Variants in RYR2 observed in about 807,000 individuals in gnomAD.
RYR2 encodes ryanodine receptor 2.
RYR2 carries 227 observed loss-of-function variants against 601.1 expected under a neutral mutation model. The observed-to-expected ratio is 0.38, with a 90% CI of 0.34 to 0.42. The LOEUF is 0.42. Ranked by LOEUF, RYR2 falls within the 10% of genes least tolerant of loss-of-function variation. The probability of loss-of-function intolerance (pLI) is 1.00; values close to 1 mark genes in which losing one functional copy is unlikely to be tolerated. For missense variants in RYR2, 4,646 were observed against 6,156.5 expected (o/e 0.75, Z 8.21); for synonymous variants, 2,223 against 2,175.1 (o/e 1.02, Z -0.61).
chr1:237,291,793 G>T (rs779092305), intron 2 of RYR2, among the ~76,000 whole-genome samples: 8 of 152,148 alleles, frequency 5.3e-5, no homozygotes, highest in Non-Finnish European at 1.0e-4. Context: ...TGAGCACAGG[G>T]TATATTTAGT....
intron 79 of RYR2, among the ~76,000 whole-genome samples, chr1:237,735,994 T>A (rs1306032920): frequency 6.6e-6 from 1 of 152,188 alleles, no homozygotes; most frequent in African/African-American, 2.4e-5. Context: ...CATAAAAATA[T>A]ATGCCATGAA....
At chr1:237,208,376 T>A (rs1193654480) in intron 1 of RYR2, among the ~76,000 whole-genome samples, 3 of 152,196 alleles carry the variant, frequency 2.0e-5, no homozygotes, top group African/African-American at 7.2e-5. Context: ...TTTCCTCTGC[T>A]GAAGCATTCT....
chr1:237,221,072 G>A (rs1683754422), intron 1 of RYR2, among the ~76,000 whole-genome samples: 3 of 152,092 alleles, frequency 2.0e-5, no homozygotes, highest in Admixed American at 2.0e-4. Flanking sequence ...CTCCAGCCTG[G>A]GTGACAGAGT....
At chr1:237,796,129 C>T (rs978358943) in intron 96 of RYR2, among the ~76,000 whole-genome samples, 8 of 151,674 alleles carry the variant, frequency 5.3e-5, no homozygotes, top group African/African-American at 1.7e-4. Flanking sequence ...CATCTTGAGT[C>T]GCACTGCGCT....
At chr1:237,139,507 C>G (rs1391166968) in intron 1 of RYR2, among the ~76,000 whole-genome samples, 1 of 152,140 alleles carries the variant, frequency 6.6e-6, no homozygotes, top group African/African-American at 2.4e-5. Flanking sequence ...AATTATATCT[C>G]AAGCCATTAT....
intron 38 of RYR2, among the ~76,000 whole-genome samples, chr1:237,619,724 A>G (rs576950565): frequency 4.6e-5 from 7 of 152,272 alleles, no homozygotes; most frequent in African/African-American, 1.4e-4. Context: ...AAATGACACT[A>G]CCTACAGGGG....
At chr1:237,142,640 G>A (rs532482067) in intron 1 of RYR2, among the ~76,000 whole-genome samples, 1 of 152,314 alleles carries the variant, frequency 6.6e-6, no homozygotes, top group African/African-American at 2.4e-5. Flanking sequence ...GGAAGAGCAT[G>A]CTGCTCTCTT....
intron 3 of RYR2, among the ~76,000 whole-genome samples, chr1:237,334,832 G>A (rs760755493): frequency 6.6e-6 from 1 of 152,138 alleles, no homozygotes; most frequent in African/African-American, 2.4e-5. Context: ...GGATGATATA[G>A]CATAGGGTTA....
intron 1 of RYR2, among the ~76,000 whole-genome samples, chr1:237,152,365 AC>A: frequency 6.6e-6 from 1 of 152,322 alleles, no homozygotes; most frequent in Non-Finnish European, 1.5e-5. Context: ...TTTGGTATAT[AC>A]CCAGTAATGG....
At chr1:237,566,477 A>T in intron 27 of RYR2, 90 bp from the exon 28 acceptor site, 1 of 1,298,852 alleles carries the variant, frequency 7.7e-7, no homozygotes, top group Non-Finnish European at 1.1e-6. Context: ...TAAAGTCGTG[A>T]TTTATCTTTC....
At chr1:237,152,018 C>T (rs1431961278) in intron 1 of RYR2, among the ~76,000 whole-genome samples, 1 of 151,998 alleles carries the variant, frequency 6.6e-6, no homozygotes, top group Admixed American at 6.6e-5. Context: ...TAGCCCCCAC[C>T]GACAGGCCCC....
intron 73 of RYR2, among the ~76,000 whole-genome samples, chr1:237,719,853 C>T (rs1041264071): frequency 6.6e-5 from 10 of 151,966 alleles, no homozygotes; most frequent in African/African-American, 1.9e-4. Flanking sequence ...CACCAGGTCC[C>T]GTCTCCAACA....
At chr1:237,068,210 A>G (rs1663891767) in intron 1 of RYR2, among the ~76,000 whole-genome samples, 1 of 152,134 alleles carries the variant, frequency 6.6e-6, no homozygotes, top group Non-Finnish European at 1.5e-5. Flanking sequence ...AAGTATATAC[A>G]GTATGGTGAT....
chr1:237,634,594 G>T (rs1018723622), intron 43 of RYR2, among the ~76,000 whole-genome samples: 2 of 152,182 alleles, frequency 1.3e-5, no homozygotes, highest in Non-Finnish European at 2.9e-5. Flanking sequence ...CGCTGCCAGA[G>T]TAGATTTTGA....
chr1:237,253,121 G>A (rs1158938781), intron 1 of RYR2, among the ~76,000 whole-genome samples: 1 of 145,488 alleles, frequency 6.9e-6, no homozygotes, highest in African/African-American at 2.6e-5. Context: ...CTGAGATCGT[G>A]CCACTGCACT....
chr1:237,237,945 C>CCCTCTCCTTT, intron 1 of RYR2, among the ~76,000 whole-genome samples: 1 of 35,500 alleles, frequency 2.8e-5, no homozygotes, highest in African/African-American at 6.5e-5. Context: ...CTTTCCTTTC[C>CCCTCTCCTTT]CCTTTCCTTT....
chr1:237,657,355 T>A (rs1683352081), intron 53 of RYR2, among the ~76,000 whole-genome samples: 1 of 152,024 alleles, frequency 6.6e-6, no homozygotes, highest in Admixed American at 6.5e-5. Flanking sequence ...GTATATATAT[T>A]TAATTTTCCA....
chr1:237,698,067 C>T (rs1326652708), intron 63 of RYR2, among the ~76,000 whole-genome samples: 1 of 150,706 alleles, frequency 6.6e-6, no homozygotes, highest in Non-Finnish European at 1.5e-5. Context: ...AACTTACATT[C>T]AGATAATAGT....
intron 1 of RYR2, among the ~76,000 whole-genome samples, chr1:237,258,579 C>T (rs1688222021): frequency 6.6e-6 from 1 of 152,178 alleles, no homozygotes; most frequent in Admixed American, 6.5e-5. Context: ...TCTATATATT[C>T]TTTTATGTAC....
Sources: gnomAD v4.1 joint callset for allele counts (sites outside exome capture counted in the v4.1 genomes callset) on GRCh38, gnomAD v4.1.1 for gene constraint, MANE v1.5 for transcripts, NCBI Gene and HGNC (gene_info 2026-07-23, HGNC 2026-07-21) for gene names.